SCMH1: variants seen among roughly 807,000 people sequenced by gnomAD.
SCMH1 encodes the protein polycomb protein SCMH1.
Under a neutral mutation model 70.8 loss-of-function variants are expected in SCMH1, and 37 were observed. That is an observed-to-expected ratio of 0.52 (90% CI 0.40 to 0.69). The LOEUF (loss-of-function observed/expected upper bound fraction) is 0.69. Ranked by LOEUF, SCMH1 falls within the 30% of genes least tolerant of loss-of-function variation. The pLI, the probability that SCMH1 is intolerant of heterozygous loss-of-function variation, is 0.00. For missense variants in SCMH1, 607 were observed against 827.3 expected (o/e 0.73, Z 3.27); for synonymous variants, 292 against 307.4 (o/e 0.95, Z 0.52).
intron 2 of SCMH1, among the ~76,000 whole-genome samples, chr1:41,176,933 A>T (rs951503163): frequency 1.3e-5 from 2 of 152,168 alleles, no homozygotes; most frequent in Non-Finnish European, 2.9e-5. Context: ...GAAATCTGAG[A>T]ATGGACAGAC....
chr1:41,050,293 C>G (rs1647611707), intron 10 of SCMH1, among the ~76,000 whole-genome samples: 1 of 152,306 alleles, frequency 6.6e-6, no homozygotes, highest in East Asian at 1.9e-4. Context: ...GGGTACTATT[C>G]TTTCTTGTGT....
chr1:41,081,876 A>G (rs1006074496), intron 8 of SCMH1, among the ~76,000 whole-genome samples: 2 of 152,170 alleles, frequency 1.3e-5, no homozygotes, highest in African/African-American at 2.4e-5. Context: ...TCAACAGAGC[A>G]AAATAGAGAG....
intron 1 of SCMH1, among the ~76,000 whole-genome samples, chr1:41,236,338 C>T (rs1662370770): frequency 6.6e-6 from 1 of 152,090 alleles, no homozygotes; most frequent in Non-Finnish European, 1.5e-5. Flanking sequence ...AAAAGAGCTA[C>T]AGAGGAAGTA....
intron 13 of SCMH1, 69 bp from the exon 14 acceptor site, chr1:41,034,117 G>T: frequency 6.5e-7 from 1 of 1,547,850 alleles, no homozygotes; most frequent in Non-Finnish European, 8.7e-7. Context: ...ATATGAGGAA[G>T]ACCTGAGAGG....
At chr1:41,148,222 T>A (rs1644759813) in intron 5 of SCMH1, among the ~76,000 whole-genome samples, 1 of 152,202 alleles carries the variant, frequency 6.6e-6, no homozygotes, top group East Asian at 1.9e-4. Flanking sequence ...TATCATCCAT[T>A]TTACTTATAT....
intron 8 of SCMH1, among the ~76,000 whole-genome samples, chr1:41,096,186 G>T (rs1665004310): frequency 6.6e-6 from 1 of 152,122 alleles, no homozygotes. Context: ...ATTATTAACG[G>T]AATGATTTAC....
rs1177533635 is a variant in SCMH1, at chr1:41,215,784, T to C, written c.-118+26275A>G. ...TGTTTACCCACCTTTTCTCTCTATT[T>C]GATAGTGAAGCCCTAAGGGATGTCT... On this transcript the variant is annotated intron_variant, in intron 1 of 14. Transcript: ENST00000337495. Among the ~76,000 whole-genome samples the C allele has an allele frequency of 2.0e-5, 3 of 152,278 alleles. No homozygotes were observed. In the East Asian group the frequency reaches 5.8e-4, roughly 29 times the overall value.
chr1:41,180,761 G>C (rs1648503688), intron 2 of SCMH1, among the ~76,000 whole-genome samples: 1 of 152,130 alleles, frequency 6.6e-6, no homozygotes, highest in African/African-American at 2.4e-5. Flanking sequence ...TCATGAAAAT[G>C]GCCATACTGC....
chr1:41,233,245 C>T (rs1661659996), intron 1 of SCMH1, among the ~76,000 whole-genome samples: 1 of 152,138 alleles, frequency 6.6e-6, no homozygotes, highest in African/African-American at 2.4e-5. Flanking sequence ...ACTCTTTCCA[C>T]ATACCATGCA....
chr1:41,084,660 A>G (rs1416957243), intron 8 of SCMH1, among the ~76,000 whole-genome samples: 2 of 152,180 alleles, frequency 1.3e-5, no homozygotes, highest in African/African-American at 2.4e-5. Flanking sequence ...TCATGCTGCT[A>G]TAAAGACACA....
At chr1:41,207,104 C>G (rs1023195812) in intron 1 of SCMH1, among the ~76,000 whole-genome samples, 1 of 151,924 alleles carries the variant, frequency 6.6e-6, no homozygotes, top group African/African-American at 2.4e-5. Flanking sequence ...TTGTAAAGAC[C>G]ATCGATGTTA....
intron 9 of SCMH1, among the ~76,000 whole-genome samples, chr1:41,073,376 A>G (rs887409157): frequency 1.3e-5 from 2 of 152,138 alleles, no homozygotes; most frequent in Non-Finnish European, 2.9e-5. Flanking sequence ...ACTGTCCTCA[A>G]GATGTCTTCA....
At chr1:41,067,357 T>C (rs111694173) in intron 10 of SCMH1, among the ~76,000 whole-genome samples, 1,860 of 148,404 alleles carry the variant, frequency 0.013, 47 homozygotes, top group African/African-American at 0.045. Flanking sequence ...GGCAGGAGAA[T>C]GGCGTGAACC....
intron 10 of SCMH1, among the ~76,000 whole-genome samples, chr1:41,060,690 G>C (rs1450933694): frequency 6.6e-6 from 1 of 151,986 alleles, no homozygotes; most frequent in Non-Finnish European, 1.5e-5. Flanking sequence ...TGTCACCTAG[G>C]TTAGAGTGCA....
intron 2 of SCMH1, among the ~76,000 whole-genome samples, chr1:41,175,579 A>C (rs896534291): frequency 6.6e-6 from 1 of 152,250 alleles, no homozygotes; most frequent in Non-Finnish European, 1.5e-5. Context: ...GGTCAGAGTG[A>C]GTATTTTAAA....
chr1:41,151,572 T>A (rs770760022), intron 5 of SCMH1, 42 bp downstream of exon 5: 1 of 1,507,490 alleles, frequency 6.6e-7, no homozygotes, highest in African/African-American at 1.4e-5. Context: ...CATAAAAAAA[T>A]GACTTATCTT....
chr1:41,204,323 T>C (rs1353318430), intron 1 of SCMH1, among the ~76,000 whole-genome samples: 1 of 152,192 alleles, frequency 6.6e-6, no homozygotes, highest in Non-Finnish European at 1.5e-5. Flanking sequence ...TTCTTCCCTA[T>C]ATGATCCTGT....
chr1:41,071,613 G>A (rs1374695568), intron 9 of SCMH1, among the ~76,000 whole-genome samples: 5 of 152,088 alleles, frequency 3.3e-5, no homozygotes, highest in Admixed American at 3.3e-4. Flanking sequence ...ACTGTTCAGG[G>A]CAGTTTTTGG....
At chr1:41,217,397 T>C (rs543112050) in intron 1 of SCMH1, among the ~76,000 whole-genome samples, 1 of 152,240 alleles carries the variant, frequency 6.6e-6, no homozygotes, top group African/African-American at 2.4e-5. Flanking sequence ...AATTGAGGAA[T>C]GAACTATTAA....
Sources: allele counts gnomAD v4.1 joint callset (sites outside exome capture counted in the v4.1 genomes callset), GRCh38; gene constraint gnomAD v4.1.1; transcripts MANE v1.5; gene names NCBI Gene and HGNC (gene_info 2026-07-23, HGNC 2026-07-21).